The following NPSR1 variants were observed in gnomAD, a reference collection of about 807,000 sequenced individuals.
The protein encoded by NPSR1 is neuropeptide S receptor.
NPSR1 carries 48 observed loss-of-function variants against 46.9 expected under a neutral mutation model. The observed-to-expected ratio is 1.02, with a 90% CI of 0.81 to 1.30. NPSR1 has a LOEUF of 1.30. Ranked by LOEUF, NPSR1 falls within the 50% of genes most tolerant of loss-of-function variation. The pLI, the probability that NPSR1 is intolerant of heterozygous loss-of-function variation, is 0.00. For synonymous variants in NPSR1, 176 were observed against 168.1 expected (o/e 1.05, Z -0.36); for missense variants, 450 against 449.5 (o/e 1.00, Z -0.01).
chr7:34,702,730 C>A (rs1304857822), intron 2 of NPSR1, among the ~76,000 whole-genome samples: 1 of 152,152 alleles, frequency 6.6e-6, no homozygotes. Context: ...TAAACATTCT[C>A]ATAATTAAAT....
At chr7:34,811,698 T>G in intron 3 of NPSR1, 72 bp from the exon 4 acceptor site, 1 of 1,010,286 alleles carries the variant, frequency 9.9e-7, no homozygotes, top group Non-Finnish European at 1.5e-6. Context: ...TAACACAAGG[T>G]GCTATTCTTT....
chr7:34,677,509 T>G (rs948412638), intron 1 of NPSR1, among the ~76,000 whole-genome samples: 2 of 152,224 alleles, frequency 1.3e-5, no homozygotes, highest in Non-Finnish European at 2.9e-5. Flanking sequence ...TCCAAAAGGC[T>G]ATCAGAATGT....
At chr7:34,872,011 C>T (rs571479149) in intron 8 of NPSR1, among the ~76,000 whole-genome samples, 2 of 152,090 alleles carry the variant, frequency 1.3e-5, no homozygotes, top group African/African-American at 4.8e-5. Context: ...TCCAATCCCA[C>T]ATTTCCCCCT....
Position 34,701,674 on chromosome 7 carries a change from A to T in NPSR1, c.280+16990A>T, listed in dbSNP as rs1478096732. On this transcript the variant is annotated intron_variant, in intron 2 of 8. Coordinates refer to ENST00000360581, the MANE Select transcript of NPSR1 (RefSeq NM_207172.2). ...CTCCCCTATATGCTTAAATCATAAG[A>T]TTCAACTGACATCAGCAATGAAACA... Among the ~76,000 whole-genome samples, 4 of 152,376 alleles carry T rather than the reference A, an allele frequency of 2.6e-5. No homozygotes were observed. In the East Asian group the frequency reaches 7.7e-4, roughly 29 times the overall value.
At chr7:34,769,293 G>A (rs1309717577) in intron 2 of NPSR1, among the ~76,000 whole-genome samples, 3 of 151,914 alleles carry the variant, frequency 2.0e-5, no homozygotes, top group East Asian at 1.9e-4. Flanking sequence ...TTTAACATAC[G>A]TTTCTTCCTT....
At chr7:34,797,956 TAA>T (rs1159343687) in intron 3 of NPSR1, among the ~76,000 whole-genome samples, 1 of 152,072 alleles carries the variant, frequency 6.6e-6, no homozygotes. Flanking sequence ...GAAGAAGAAA[TAA>T]AGACTTTCTC....
chr7:34,871,847 A>G (rs1165921271), intron 8 of NPSR1, among the ~76,000 whole-genome samples: 1 of 151,936 alleles, frequency 6.6e-6, no homozygotes, highest in African/African-American at 2.4e-5. Flanking sequence ...GGTGCAGTAC[A>G]CATGGCTGTT....
intron 2 of NPSR1, among the ~76,000 whole-genome samples, chr7:34,724,372 A>G (rs1043764706): frequency 6.6e-6 from 1 of 152,180 alleles, no homozygotes; most frequent in African/African-American, 2.4e-5. Flanking sequence ...TTCTACCCAT[A>G]AGCCCACATA....
chr7:34,737,113 G>A (rs772832985), intron 2 of NPSR1, among the ~76,000 whole-genome samples: 1 of 151,720 alleles, frequency 6.6e-6, no homozygotes, highest in Non-Finnish European at 1.5e-5. Flanking sequence ...TCACTCCCTG[G>A]CCTCTCTATA....
At chr7:34,848,771 C>T (rs576205415) in intron 8 of NPSR1, 108 bp downstream of exon 8, 191 of 979,516 alleles carry the variant, frequency 1.9e-4, no homozygotes, top group Non-Finnish European at 2.6e-4. Context: ...TACAGGATCC[C>T]CCTTTTATAG....
chr7:34,860,731 CT>C (rs1168342327), intron 8 of NPSR1, among the ~76,000 whole-genome samples: 1 of 151,878 alleles, frequency 6.6e-6, no homozygotes, highest in Non-Finnish European at 1.5e-5. Context: ...GAAAATTCCA[CT>C]GTACACATGA....
At chr7:34,758,331 C>T (rs1785984117) in intron 2 of NPSR1, 1 of 152,262 alleles carries the variant, frequency 6.6e-6, no homozygotes, top group Middle Eastern at 3.4e-3. Flanking sequence ...AGCCCACTTG[C>T]TGAATCTCTC....
Position 34,796,278 on chromosome 7 carries a change from T to C in NPSR1, c.385-15492T>C, listed in dbSNP as rs192042965. On this transcript the variant is annotated intron_variant, in intron 3 of 8. Transcript: ENST00000360581. ...ACCTAGATGACCTTGAGTATGGTGA[T>C]GACTTTTTAGATACAACACCAAAGG... Among the ~76,000 whole-genome samples, 977 of 152,246 alleles carry C rather than the reference T, an allele frequency of 6.4e-3. 3 individuals carry two copies. The highest frequency in any genetic ancestry group is 0.011 in the Non-Finnish European group (747 of 67,990).
rs530516334 is a variant in NPSR1 at position 34,847,554 on chromosome 7, G to C, written c.845-929G>C. 9.2e-5 allele frequency among the ~76,000 whole-genome samples: 14 copies of C among 152,272 alleles called. No homozygotes were observed. In the East Asian group the frequency reaches 2.3e-3, roughly 25 times the overall value. On this transcript the variant is annotated intron_variant, in intron 7 of 8. Transcript: ENST00000360581. ...CTGAGTCCAAAGGCCTGAAAACCAG[G>C]AGAATGGATGGGGTACATTTCAGTT...
chr7:34,778,660 A>G, intron 3 of NPSR1, 95 bp downstream of exon 3: 8 of 775,278 alleles, frequency 1.0e-5, no homozygotes, highest in South Asian at 3.4e-5. Flanking sequence ...TTGCATTCCT[A>G]TGCATCAAAC....
At chr7:34,756,560 C>G (rs1230074728) in intron 2 of NPSR1, among the ~76,000 whole-genome samples, 1 of 152,208 alleles carries the variant, frequency 6.6e-6, no homozygotes, top group Non-Finnish European at 1.5e-5. Flanking sequence ...AACATGAAAG[C>G]AGCCATGAGC....
chr7:34,849,800 GACTGCATGC>G lies in NPSR1; in HGVS notation c.*151_*159del. On this transcript the variant is annotated 3_prime_UTR_variant, in exon 9 of 9. Coordinates refer to ENST00000360581, the MANE Select transcript of NPSR1 (RefSeq NM_207172.2). ...AGATGCACAAGACAAATGTTCTAAT[GACTGCATGC>G]ACTGCTTAAGTATTGGCCAACACGA... 2.7e-6 allele frequency: 4 copies of G among 1,469,304 alleles called. No homozygotes were observed. The highest frequency in any genetic ancestry group is 2.7e-6 in the Non-Finnish European group (3 of 1,112,912). 91.0% of individuals were successfully genotyped at this position (1,469,304 alleles called of 1,614,324 possible). A position where few individuals can be genotyped will look rare whatever the true frequency, so the allele number is the denominator to read the frequency against.
At chr7:34,662,015 A>G (rs1349047393) in intron 1 of NPSR1, among the ~76,000 whole-genome samples, 3 of 152,212 alleles carry the variant, frequency 2.0e-5, no homozygotes, top group Non-Finnish European at 4.4e-5. Flanking sequence ...TTCACCAGCA[A>G]TGTTTCCTGA....
chr7:34,868,093 T>A (rs1290202371), intron 8 of NPSR1, among the ~76,000 whole-genome samples: 3 of 151,682 alleles, frequency 2.0e-5, no homozygotes, highest in Admixed American at 1.3e-4. Context: ...GCAGGCACAG[T>A]GGGAGAGTGG....
Sources: allele counts gnomAD v4.1 joint callset (sites outside exome capture counted in the v4.1 genomes callset), GRCh38; gene constraint gnomAD v4.1.1; transcripts MANE v1.5; gene names NCBI Gene and HGNC (gene_info 2026-07-23, HGNC 2026-07-21).